MAGI1: variants seen among roughly 807,000 people sequenced by gnomAD.
MAGI1 encodes the protein membrane associated guanylate kinase, WW and PDZ domain containing 1.
In MAGI1, 58 loss-of-function variants were observed where a neutral mutation model predicts 139.9. The ratio of observed to expected loss-of-function variants is 0.41; its 90% CI spans 0.34 to 0.52. MAGI1 has a LOEUF of 0.52. Among genes scored for constraint, MAGI1 ranks in the 20% least tolerant of loss-of-function variants. The probability of loss-of-function intolerance (pLI) is 0.12; values close to 1 mark genes in which losing one functional copy is unlikely to be tolerated. For missense variants in MAGI1, 1,874 were observed against 1,901.6 expected, an observed-to-expected ratio of 0.99 and a Z score of 0.27; for synonymous variants, 812 against 737.9, an observed-to-expected ratio of 1.10 and a Z score of -1.63.
At position 65,364,165 on chromosome 3, in the gene MAGI1, TAAAAAAAAAAAA is replaced by T. The variant is rs555186167; in HGVS notation, c.3351+488_3351+499del. On this transcript the variant is annotated intron_variant, in intron 20 of 22. Transcript: ENST00000402939. Reference sequence around the variant, plus strand: ...GCAGCACAGTGAGACCCCTGTCTCTTAAAAAAAAAAAAAAAAAAAAAAAAAAAGGAATCTGTT... The same window carrying T: ...GCAGCACAGTGAGACCCCTGTCTCTTAAAAAAAAAAAAAAAGGAATCTGTT... 1.5e-4 allele frequency among the ~76,000 whole-genome samples: 13 copies of T among 89,446 alleles called. No homozygotes were observed. In the East Asian group the frequency reaches 4.5e-3, roughly 31 times the overall value. The allele number at this position is 89,446 out of a possible 152,430, so 58.7% of individuals were successfully genotyped here.
intron 1 of MAGI1, among the ~76,000 whole-genome samples, chr3:65,941,359 A>AG (rs1487693012): frequency 2.0e-5 from 3 of 151,950 alleles, no homozygotes; most frequent in Non-Finnish European, 4.4e-5. Context: ...AAAAAAAAAA[A>AG]GAATTATATT....
At chr3:65,985,772 T>A (rs78537211) in intron 1 of MAGI1, among the ~76,000 whole-genome samples, 4 of 152,266 alleles carry the variant, frequency 2.6e-5, no homozygotes, top group East Asian at 1.9e-4. Flanking sequence ...TCAGTTGGGA[T>A]AGACCCAGTT....
At chr3:65,768,357 T>C (rs1036649727) in intron 1 of MAGI1, among the ~76,000 whole-genome samples, 5 of 152,028 alleles carry the variant, frequency 3.3e-5, no homozygotes, top group Non-Finnish European at 5.9e-5. Context: ...AAGGCAGAGG[T>C]TGCAGTGAGC....
At chr3:65,722,217 C>T (rs1161736064) in intron 1 of MAGI1, among the ~76,000 whole-genome samples, 6 of 152,134 alleles carry the variant, frequency 3.9e-5, no homozygotes, top group Admixed American at 3.9e-4. Flanking sequence ...TGTCGTGATA[C>T]AAGTACTCAC....
At chr3:66,010,187 C>T (rs2067255319) in intron 1 of MAGI1, among the ~76,000 whole-genome samples, 1 of 150,342 alleles carries the variant, frequency 6.7e-6, no homozygotes, top group Non-Finnish European at 1.5e-5. Context: ...CTAAGCATCA[C>T]ATGTATTAGT....
intron 1 of MAGI1, among the ~76,000 whole-genome samples, chr3:65,693,208 G>C (rs549642358): frequency 6.6e-5 from 10 of 152,270 alleles, no homozygotes; most frequent in South Asian, 2.1e-4. Flanking sequence ...GCCTCCCAAA[G>C]TGCTGGGATT....
chr3:65,869,340 T>C (rs1226207142), intron 1 of MAGI1, among the ~76,000 whole-genome samples: 1 of 151,768 alleles, frequency 6.6e-6, no homozygotes, highest in Non-Finnish European at 1.5e-5. Flanking sequence ...CACTAGAATG[T>C]ACAGATCCCA....
chr3:65,589,497 T>G (rs944343442), intron 2 of MAGI1, among the ~76,000 whole-genome samples: 1 of 152,142 alleles, frequency 6.6e-6, no homozygotes, highest in Admixed American at 6.5e-5. Flanking sequence ...ATTGGGTATC[T>G]CCCCTGTCTT....
chr3:65,536,631 C>T (rs2078968577), intron 2 of MAGI1, among the ~76,000 whole-genome samples: 1 of 152,088 alleles, frequency 6.6e-6, no homozygotes, highest in South Asian at 2.1e-4. Context: ...TGCATGTGAC[C>T]CTGAGCAAGC....
At chr3:65,491,748 C>T (rs1952052093) in intron 3 of MAGI1, among the ~76,000 whole-genome samples, 1 of 151,640 alleles carries the variant, frequency 6.6e-6, no homozygotes, top group Admixed American at 6.6e-5. Context: ...CAGACCCCTG[C>T]CCAGCCCACC....
chr3:65,415,195 C>T (rs1299886018), intron 12 of MAGI1, among the ~76,000 whole-genome samples: 5 of 152,126 alleles, frequency 3.3e-5, no homozygotes, highest in Non-Finnish European at 5.9e-5. Context: ...TACCACCTTT[C>T]CTTCCAGGCT....
intron 1 of MAGI1, among the ~76,000 whole-genome samples, chr3:65,652,970 T>C (rs17073280): frequency 0.011 from 1,621 of 152,250 alleles, 31 homozygotes; most frequent in African/African-American, 0.037. Context: ...TTAGCCTAAA[T>C]TGCTGGAGTC....
intron 5 of MAGI1, 112 bp downstream of exon 5, chr3:65,470,171 T>A (rs1950475274): frequency 6.0e-6 from 4 of 668,828 alleles, no homozygotes; most frequent in Non-Finnish European, 1.0e-5. Context: ...AAAAATACCA[T>A]CAGTGGGTGA....
chr3:65,411,258 T>C (rs1169133312), intron 12 of MAGI1, among the ~76,000 whole-genome samples: 1 of 152,232 alleles, frequency 6.6e-6, no homozygotes, highest in Admixed American at 6.5e-5. Flanking sequence ...AAAATGCTTC[T>C]ACCTCTAAGG....
chr3:65,466,820 C>T (rs903805308), intron 5 of MAGI1, among the ~76,000 whole-genome samples: 3 of 152,320 alleles, frequency 2.0e-5, no homozygotes, highest in Admixed American at 6.5e-5. Flanking sequence ...CCTTTTCTGA[C>T]GCCACCCAGC....
At chr3:65,635,700 T>C (rs2084575045) in intron 1 of MAGI1, among the ~76,000 whole-genome samples, 2 of 152,260 alleles carry the variant, frequency 1.3e-5, no homozygotes, top group African/African-American at 4.8e-5. Context: ...CCCATTGGTA[T>C]TCCACAGCCT....
At chr3:65,607,380 T>C (rs1534090) in intron 2 of MAGI1, among the ~76,000 whole-genome samples, 115,185 of 151,782 alleles carry the variant, frequency 0.76, 44,386 homozygotes, top group African/African-American at 0.83. Flanking sequence ...CAGGCAATGC[T>C]TCTGTTAACA....
chr3:65,895,821 A>C (rs1281257646), intron 1 of MAGI1, among the ~76,000 whole-genome samples: 1 of 152,218 alleles, frequency 6.6e-6, no homozygotes, highest in Admixed American at 6.5e-5. Flanking sequence ...TCAATCATCA[A>C]ACTATAGCTG....
At chr3:65,946,135 G>T (rs1313871317) in intron 1 of MAGI1, among the ~76,000 whole-genome samples, 1 of 152,210 alleles carries the variant, frequency 6.6e-6, no homozygotes, top group Admixed American at 6.5e-5. Context: ...GCCACCGAGG[G>T]TATCTGTCCA....
Sources: allele counts gnomAD v4.1 joint callset (sites outside exome capture counted in the v4.1 genomes callset), GRCh38; gene constraint gnomAD v4.1.1; transcripts MANE v1.5; gene names NCBI Gene and HGNC (gene_info 2026-07-23, HGNC 2026-07-21).